OR2A5: variants seen among roughly 807,000 people sequenced by gnomAD.
The protein encoded by OR2A5 is olfactory receptor family 2 subfamily A member 5, also known as olfactory receptor 2A5.
OR2A5 carries 2 observed loss-of-function variants against 1.9 expected under a neutral mutation model. The ratio of observed to expected loss-of-function variants is 1.04; its 90% CI spans 0.43 to 3.28. The LOEUF is 3.28. OR2A5 is among the 30% of genes most tolerant of loss of function. The pLI is 0.08. For missense variants in OR2A5, 391 were observed against 375.9 expected (o/e 1.04, Z -0.33); for synonymous variants, 160 against 154.5 (o/e 1.04, Z -0.26).
In OR2A5 at chr7:144,055,905, C is replaced by CAAAA. The variant is rs2050936176; in HGVS notation, c.*4571_*4572insAAAA. ...GAGTGGGACCCCATCTTTGAAAAAA[C>CAAAA]AAACAAACAAACAAACAAAAAACCC... On this transcript the variant is annotated 3_prime_UTR_variant, in exon 2 of 2. Coordinates refer to ENST00000641693, the MANE Select transcript of OR2A5 (RefSeq NM_012365.2). 2 of 152,310 alleles carry CAAAA rather than the reference C, an allele frequency of 1.3e-5. No homozygotes were observed. The highest frequency in any genetic ancestry group is 2.9e-5 in the Non-Finnish European group (2 of 68,392). 9.4% of individuals were successfully genotyped at this position (152,310 alleles called of 1,614,324 possible). A position where few individuals can be genotyped will look rare whatever the true frequency, so the allele number is the denominator to read the frequency against.
rs546631409 is a variant in OR2A5 at position 144,050,852 on chromosome 7, T to C, written c.451T>C (p.Cys151Arg). Residue 151 changes from cysteine (C) to arginine (R), a missense_variant, in exon 2 of 2, where the codon TGT becomes CGT. By Grantham distance (180) the Cys-to-Arg change is radical (BLOSUM62 -3). Coordinates refer to ENST00000641693, the MANE Select transcript of OR2A5 (RefSeq NM_012365.2). ...CTVLAVTSWA[C>R]GSLLALVHVV... The stretch of plus-strand genomic sequence containing the variant: ...AGTCCTGGCTGTCACTTCTTGGGCA[T>C]GTGGTTCCCTTCTGGCCCTGGTCCA... The C allele has an allele frequency of 2.7e-5, 44 of 1,614,194 alleles. 1 individual carries two copies. The East Asian group carries it at 9.6e-4, about 35-fold the overall frequency.
rs775585233 is a variant in OR2A5, at chr7:144,051,151, C to A, written c.750C>A (p.Leu250=). Reference sequence around the variant, plus strand: ...CCTCCCACCTTTGCATGGTGGGACTCTTCTTTGGCAGCGCCATTGTCATGT... The same window carrying A: ...CCTCCCACCTTTGCATGGTGGGACTATTCTTTGGCAGCGCCATTGTCATGT... ...TCSSHLCMVG[L]FFGSAIVMYM... Residue 250 remains leucine, a synonymous_variant, in exon 2 of 2, where the codon CTC becomes CTA. Coordinates refer to ENST00000641693, the MANE Select transcript of OR2A5 (RefSeq NM_012365.2). The A allele has an allele frequency of 1.2e-6, 2 of 1,614,098 alleles. No homozygotes were observed.
rs962503071 is a variant in OR2A5, at chr7:144,051,218, G to A, written c.817G>A (p.Val273Ile). 6.2e-7 allele frequency: 1 copy of A among 1,614,188 alleles called. No individual in the cohort carries two copies. Among genetic ancestry groups the A allele is most frequent in the Non-Finnish European group, 8.5e-7 (1 of 1,180,030 alleles). Residue 273 changes from valine to isoleucine, a missense_variant, in exon 2 of 2, where the codon GTC becomes ATC. Coordinates refer to ENST00000641693, the MANE Select transcript of OR2A5 (RefSeq NM_012365.2). ...KSRHPEEQQK[V>I]LSLFYSLFNP... ...CCGCCACCCTGAGGAGCAGCAGAAG[G>A]TCCTTTCCCTGTTTTACAGCCTTTT...
At position 144,049,001 on chromosome 7, in the gene OR2A5, G is replaced by T. The variant is rs1487779658; in HGVS notation, c.-184G>T. On this transcript the variant is annotated 5_prime_UTR_variant, in exon 1 of 2. Transcript: ENST00000641693. ...GAAAAGAGAGACAACTCCTGCATCT[G>T]GAAATTCCTTCTCTCAGGGGCTGCT... is the stretch of plus-strand genomic sequence containing the variant. The T allele has an allele frequency of 6.6e-6, 1 of 152,400 alleles. No individual in the cohort carries two copies. 9.4% of individuals were successfully genotyped at this position (152,400 alleles called of 1,614,324 possible).
Position 144,052,070 on chromosome 7 carries a change from G to C in OR2A5, c.*733G>C, listed in dbSNP as rs190979567. ...TTTTCATAATTCAGATCGCAAAGCC[G>C]GGTGTAGGTGACAATTTATCATTAC... On this transcript the variant is annotated 3_prime_UTR_variant, in exon 2 of 2. Coordinates refer to ENST00000641693, the MANE Select transcript of OR2A5 (RefSeq NM_012365.2). 6.6e-6 allele frequency: 1 copy of C among 152,144 alleles called. No homozygotes were observed. Among genetic ancestry groups the C allele is most frequent in the Non-Finnish European group, 1.5e-5 (1 of 68,032 alleles). The allele number at this position is 152,144 out of a possible 1,614,324, so 9.4% of individuals were successfully genotyped here. A position where few individuals can be genotyped will look rare whatever the true frequency, so the allele number is the denominator to read the frequency against.
chr7:144,050,380 A>G lies in OR2A5; in HGVS notation c.-22A>G, dbSNP rs754495716. Reference sequence around the variant, plus strand: ...TAGCTCATTGCCACAGCAGAGTCCAACGCAGGTACTGTCACAAGGGCATGA... The same window carrying G: ...TAGCTCATTGCCACAGCAGAGTCCAGCGCAGGTACTGTCACAAGGGCATGA... On this transcript the variant is annotated 5_prime_UTR_variant, in exon 2 of 2. Transcript: ENST00000641693. 6.8e-7 allele frequency: 1 copy of G among 1,476,312 alleles called. No homozygotes were observed. The highest frequency in any genetic ancestry group is 9.1e-7 in the Non-Finnish European group (1 of 1,102,212). The allele number at this position is 1,476,312 out of a possible 1,614,324, so 91.5% of individuals were successfully genotyped here. A position where few individuals can be genotyped will look rare whatever the true frequency, so the allele number is the denominator to read the frequency against.
In OR2A5 at chr7:144,051,580, C is replaced by A; in HGVS notation, c.*243C>A. ...GAACTCCTACTCCCAGGTCCCACCC[C>A]TACCCAGGATCTGCTTTCTGTTCTT... On this transcript the variant is annotated 3_prime_UTR_variant, in exon 2 of 2. Coordinates refer to ENST00000641693, the MANE Select transcript of OR2A5 (RefSeq NM_012365.2). 1 of 450,964 alleles carries A rather than the reference C, an allele frequency of 2.2e-6. No individual in the cohort carries two copies. The highest frequency in any genetic ancestry group is 3.6e-5 in the East Asian group (1 of 27,534). The allele number at this position is 450,964 out of a possible 1,614,324, so 27.9% of individuals were successfully genotyped here. A position where few individuals can be genotyped will look rare whatever the true frequency, so the allele number is the denominator to read the frequency against.
In OR2A5 at chr7:144,052,340, C is replaced by T. The variant is rs555921180; in HGVS notation, c.*1003C>T. The T allele has an allele frequency of 6.6e-6, 1 of 152,196 alleles. No homozygotes were observed. Among genetic ancestry groups the T allele is most frequent in the South Asian group, 2.1e-4 (1 of 4,806 alleles). The allele number at this position is 152,196 out of a possible 1,614,324, so 9.4% of individuals were successfully genotyped here. A position where few individuals can be genotyped will look rare whatever the true frequency, so the allele number is the denominator to read the frequency against. The stretch of plus-strand genomic sequence containing the variant: ...GGACAGGTAATTTGTTTTATTTTAA[C>T]ACAAGTCTGAGTCCTAAATGATCAG... On this transcript the variant is annotated 3_prime_UTR_variant, in exon 2 of 2. Coordinates refer to ENST00000641693, the MANE Select transcript of OR2A5 (RefSeq NM_012365.2).
In OR2A5 at chr7:144,050,414, CA is replaced by C; in HGVS notation, c.14del (p.Gln5ArgfsTer16). MTKNQTWVTEFILLG... is the reference protein window; with the variant it reads MTKNXTWVTEFILLG... ...CTGTCACAAGGGCATGACAAAAAAT[CA>C]GACATGGGTCACAGAATTCATTCTC... On this transcript the variant is annotated frameshift_variant, in exon 2 of 2. Coordinates refer to ENST00000641693, the MANE Select transcript of OR2A5 (RefSeq NM_012365.2). LOFTEE classifies it low-confidence loss of function (END_TRUNC). The C allele has an allele frequency of 6.5e-7, 1 of 1,537,034 alleles. No homozygotes were observed. The highest frequency in any genetic ancestry group is 8.7e-7 in the Non-Finnish European group (1 of 1,147,184).
In OR2A5 at chr7:144,056,715, C is replaced by T. The variant is rs1386080354; in HGVS notation, c.*5378C>T. 1.3e-5 allele frequency: 2 copies of T among 151,210 alleles called. No individual in the cohort carries two copies. The highest frequency in any genetic ancestry group is 4.2e-4 in the South Asian group (2 of 4,792). 9.4% of individuals were successfully genotyped at this position (151,210 alleles called of 1,614,324 possible). A position where few individuals can be genotyped will look rare whatever the true frequency, so the allele number is the denominator to read the frequency against. ...TATTTTAGATGGCCAGGGATTAAGA[C>T]GGAAAATAATTAGAAAATAACAGAT... is the stretch of plus-strand genomic sequence containing the variant. On this transcript the variant is annotated 3_prime_UTR_variant, in exon 2 of 2. Transcript: ENST00000641693.
In OR2A5 at chr7:144,051,118, C is replaced by T. The variant is rs1195234052; in HGVS notation, c.717C>T (p.Ser239=). 1.9e-6 allele frequency: 3 copies of T among 1,614,236 alleles called. No individual in the cohort carries two copies. Among genetic ancestry groups the T allele is most frequent in the South Asian group, 1.1e-5 (1 of 91,086 alleles). Residue 239 remains serine (S), a synonymous_variant, in exon 2 of 2, where the codon TCC becomes TCT. Transcript: ENST00000641693. ...GGGAGGGCCGCAGAAAGGCCTTCTCCACCTGCTCCTCCCACCTTTGCATGG... is the reference window on the plus strand; with the variant it reads ...GGGAGGGCCGCAGAAAGGCCTTCTCTACCTGCTCCTCCCACCTTTGCATGG... ...QSGEGRRKAF[S]TCSSHLCMVG...
chr7:144,049,383 C>T (rs892992774), intron 1 of OR2A5, among the ~76,000 whole-genome samples: 5 of 152,176 alleles, frequency 3.3e-5, no homozygotes, highest in African/African-American at 4.8e-5. Context: ...TTCTATAGCC[C>T]CTGTGGCTAT....
Position 144,051,314 on chromosome 7 carries a change from T to C in OR2A5, c.913T>C (p.Leu305=), listed in dbSNP as rs2050905151. ...GGTCAAGGGTGCCCTGAAAAGAGTG[T>C]TGTGGAAACAGAGATCAAAGTGAGG... ...AEVKGALKRV[L]WKQRSK The change falls in exon 2 of 2, where the codon TTG becomes CTG. Residue 305 remains leucine (L), a synonymous_variant. Coordinates refer to ENST00000641693, the MANE Select transcript of OR2A5 (RefSeq NM_012365.2). 1 of 1,609,596 alleles carries C rather than the reference T, an allele frequency of 6.2e-7. No homozygotes were observed.
chr7:144,054,299 C>G lies in OR2A5; in HGVS notation c.*2962C>G, dbSNP rs1294607165. On this transcript the variant is annotated 3_prime_UTR_variant, in exon 2 of 2. Transcript: ENST00000641693. ...GGCTAACAAGGTTTCAGCTAGGTGCCTTATATAACTTTTATGAATGCTAAA... is the reference window on the plus strand; with the variant it reads ...GGCTAACAAGGTTTCAGCTAGGTGCGTTATATAACTTTTATGAATGCTAAA... The G allele has an allele frequency of 6.6e-6, 1 of 152,060 alleles. No homozygotes were observed. Among genetic ancestry groups the G allele is most frequent in the Non-Finnish European group, 1.5e-5 (1 of 68,028 alleles). The allele number at this position is 152,060 out of a possible 1,614,324, so 9.4% of individuals were successfully genotyped here.
In OR2A5 at chr7:144,058,271, T is replaced by C. The variant is rs1338457965; in HGVS notation, c.*6934T>C. On this transcript the variant is annotated 3_prime_UTR_variant, in exon 2 of 2. Coordinates refer to ENST00000641693, the MANE Select transcript of OR2A5 (RefSeq NM_012365.2). ...TGTGCCTGGCTTGTTTCACTTAAGATAATGATCTCTAGTTTCATCCATCTT... is the reference window on the plus strand; with the variant it reads ...TGTGCCTGGCTTGTTTCACTTAAGACAATGATCTCTAGTTTCATCCATCTT... The C allele has an allele frequency of 1.3e-5, 2 of 152,258 alleles. No individual in the cohort carries two copies. Among genetic ancestry groups the C allele is most frequent in the East Asian group, 3.8e-4 (2 of 5,206 alleles). The allele number at this position is 152,258 out of a possible 1,614,324, so 9.4% of individuals were successfully genotyped here. A position where few individuals can be genotyped will look rare whatever the true frequency, so the allele number is the denominator to read the frequency against.
rs2050940494 is a variant in OR2A5, at chr7:144,056,529, T to A, written c.*5192T>A. On this transcript the variant is annotated 3_prime_UTR_variant, in exon 2 of 2. Transcript: ENST00000641693. The stretch of plus-strand genomic sequence containing the variant: ...ATGGAGAGAGAACTGGGTTTTTAAA[T>A]CTATTTTCAGAAGCTGCCAAGAGAA... 6.6e-6 allele frequency: 1 copy of A among 152,196 alleles called. No individual in the cohort carries two copies. Among genetic ancestry groups the A allele is most frequent in the African/African-American group, 2.4e-5 (1 of 41,458 alleles). 9.4% of individuals were successfully genotyped at this position (152,196 alleles called of 1,614,324 possible).
chr7:144,050,120 G>C (rs2050889295), intron 1 of OR2A5, among the ~76,000 whole-genome samples: 1 of 152,052 alleles, frequency 6.6e-6, no homozygotes, highest in South Asian at 2.1e-4. Context: ...CAAAAATGTG[G>C]GTCTTGCAAT....
In OR2A5 at chr7:144,057,347, T is replaced by C. The variant is rs2050948777; in HGVS notation, c.*6010T>C. On this transcript the variant is annotated 3_prime_UTR_variant, in exon 2 of 2. Coordinates refer to ENST00000641693, the MANE Select transcript of OR2A5 (RefSeq NM_012365.2). Reference sequence around the variant, plus strand: ...TGAAAATAGGATAGGACATTATTGCTGAAATTTTTTTCCTGATGGCTAAAC... The same window carrying C: ...TGAAAATAGGATAGGACATTATTGCCGAAATTTTTTTCCTGATGGCTAAAC... The C allele has an allele frequency of 2.0e-5, 3 of 152,196 alleles. No homozygotes were observed. The highest frequency in any genetic ancestry group is 4.8e-5 in the African/African-American group (2 of 41,436). 9.4% of individuals were successfully genotyped at this position (152,196 alleles called of 1,614,324 possible).
chr7:144,050,425 C>T lies in OR2A5; in HGVS notation c.24C>T (p.Val8=). ...GCATGACAAAAAATCAGACATGGGT[C>T]ACAGAATTCATTCTCCTGGGATTTC... The part of the protein sequence containing the change: MTKNQTW[V]TEFILLGFPL... Residue 8 remains valine (V), a synonymous_variant, in exon 2 of 2, where the codon GTC becomes GTT. Coordinates refer to ENST00000641693, the MANE Select transcript of OR2A5 (RefSeq NM_012365.2). 1 of 1,540,810 alleles carries T rather than the reference C, an allele frequency of 6.5e-7. No homozygotes were observed. Among genetic ancestry groups the T allele is most frequent in the South Asian group, 1.3e-5 (1 of 76,804 alleles).
Sources: gnomAD v4.1 joint callset for allele counts (sites outside exome capture counted in the v4.1 genomes callset) on GRCh38, gnomAD v4.1.1 for gene constraint, MANE v1.5 for transcripts, NCBI Gene and HGNC (gene_info 2026-07-23, HGNC 2026-07-21) for gene names.